The following GRM7 variants were observed in gnomAD, a reference collection of about 807,000 sequenced individuals.
GRM7 encodes metabotropic glutamate receptor 7.
GRM7 carries 35 observed loss-of-function variants against 84.5 expected under a neutral mutation model. That is an observed-to-expected ratio of 0.41 (90% CI 0.32 to 0.55). GRM7 has a LOEUF of 0.55. GRM7 is among the 20% of genes least tolerant of loss of function. GRM7 has a pLI of 0.19. For missense variants in GRM7, 1,003 were observed against 1,194.6 expected (o/e 0.84, Z 2.36); for synonymous variants, 487 against 455.1 (o/e 1.07, Z -0.89).
intron 7 of GRM7, among the ~76,000 whole-genome samples, chr3:7,473,144 CAA>C (rs953587790): frequency 6.6e-6 from 1 of 152,046 alleles, no homozygotes; most frequent in Non-Finnish European, 1.5e-5. Flanking sequence ...ATTGATAAAA[CAA>C]AGTCACATTG....
chr3:7,121,371 A>C (rs936546911), intron 1 of GRM7, among the ~76,000 whole-genome samples: 2 of 151,122 alleles, frequency 1.3e-5, no homozygotes, highest in African/African-American at 4.9e-5. Context: ...CCATCCATCC[A>C]TCCATCCATC....
chr3:7,721,068 A>T (rs1278038102), intron 9 of GRM7, among the ~76,000 whole-genome samples: 1 of 152,230 alleles, frequency 6.6e-6, no homozygotes, highest in East Asian at 1.9e-4. Context: ...TGCTCAACAG[A>T]TGCTACTACA....
At chr3:7,330,398 C>G (rs1701156905) in intron 4 of GRM7, among the ~76,000 whole-genome samples, 1 of 152,152 alleles carries the variant, frequency 6.6e-6, no homozygotes, top group African/African-American at 2.4e-5. Flanking sequence ...TAGCCCTCTT[C>G]TCTCTGTCCC....
chr3:7,363,107 G>C (rs546002268), intron 4 of GRM7, among the ~76,000 whole-genome samples: 2 of 152,052 alleles, frequency 1.3e-5, no homozygotes, highest in South Asian at 4.2e-4. Context: ...CTGGGCTATA[G>C]AGTAAGACTC....
At chr3:7,430,998 A>C (rs1193750884) in intron 5 of GRM7, among the ~76,000 whole-genome samples, 1 of 151,860 alleles carries the variant, frequency 6.6e-6, no homozygotes, top group Non-Finnish European at 1.5e-5. Flanking sequence ...CATTACCCCC[A>C]CTGGACTTGA....
intron 7 of GRM7, among the ~76,000 whole-genome samples, chr3:7,473,752 G>A (rs916148695): frequency 6.6e-6 from 1 of 152,110 alleles, no homozygotes; most frequent in African/African-American, 2.4e-5. Flanking sequence ...AGAGAGCTTG[G>A]CCCAGTTGAG....
chr3:7,295,028 A>G (rs1446181645), intron 2 of GRM7, among the ~76,000 whole-genome samples: 1 of 152,186 alleles, frequency 6.6e-6, no homozygotes, highest in Non-Finnish European at 1.5e-5. Flanking sequence ...CCAATTTATC[A>G]CGTTTTTCTT....
At chr3:7,451,744 T>C (rs769714172) in intron 5 of GRM7, 2 of 152,158 alleles carry the variant, frequency 1.3e-5, no homozygotes, top group African/African-American at 2.4e-5. Flanking sequence ...AAATCCCACA[T>C]CCACAGCTTT....
rs182045695 is a variant in GRM7, at chr3:7,045,779, G to C, written c.520-100673G>C. Among the ~76,000 whole-genome samples, 355 of 152,118 alleles carry C rather than the reference G, an allele frequency of 2.3e-3. 2 individuals are homozygous for C. Among genetic ancestry groups the C allele is most frequent in the African/African-American group, 8.3e-3 (344 of 41,496 alleles). On this transcript the variant is annotated intron_variant, in intron 1 of 9. Transcript: ENST00000357716. ...TATGTCATATTTTCATTATTCATCT[G>C]TCAGTGGACATTTAGGTTGTTTCTA...
chr3:7,255,487 A>G (rs1194524766), intron 2 of GRM7, among the ~76,000 whole-genome samples: 1 of 152,228 alleles, frequency 6.6e-6, no homozygotes, highest in African/African-American at 2.4e-5. Context: ...TTTGAATTAA[A>G]GCTGATGTGT....
At chr3:7,228,913 G>C (rs1020624633) in intron 2 of GRM7, among the ~76,000 whole-genome samples, 2 of 152,218 alleles carry the variant, frequency 1.3e-5, no homozygotes, top group African/African-American at 4.8e-5. Context: ...ATTGGGTGAA[G>C]CATTAATAGT....
chr3:7,700,720 G>A (rs1701196194), intron 9 of GRM7, among the ~76,000 whole-genome samples: 1 of 152,148 alleles, frequency 6.6e-6, no homozygotes, highest in Admixed American at 6.5e-5. Context: ...CTGCACTGAT[G>A]AAAGGCATTG....
At chr3:6,926,515 A>G (rs1366151154) in intron 1 of GRM7, among the ~76,000 whole-genome samples, 3 of 152,218 alleles carry the variant, frequency 2.0e-5, no homozygotes, top group African/African-American at 7.2e-5. Flanking sequence ...CAAGACCTGC[A>G]CAACGTTTTA....
chr3:7,175,511 C>T (rs1474600001), intron 2 of GRM7, among the ~76,000 whole-genome samples: 1 of 152,132 alleles, frequency 6.6e-6, no homozygotes, highest in Non-Finnish European at 1.5e-5. Flanking sequence ...TGATGAGTAA[C>T]AACTTGAATC....
In GRM7 at chr3:7,422,920, G is replaced by A. The variant is rs909719661; in HGVS notation, c.1174+7757G>A. On this transcript the variant is annotated intron_variant, in intron 5 of 9. Transcript: ENST00000357716. The stretch of plus-strand genomic sequence containing the variant: ...AGAATATTACCATATGACACTAACC[G>A]AAGTACAAGCAAAGTAGATGGATGG... Among the ~76,000 whole-genome samples, 7 of 152,212 alleles carry A rather than the reference G, an allele frequency of 4.6e-5. 1 individual carries two copies. The South Asian group carries it at 6.2e-4, about 14-fold the overall frequency.
intron 7 of GRM7, among the ~76,000 whole-genome samples, chr3:7,512,811 G>A (rs1327185403): frequency 6.6e-6 from 1 of 152,092 alleles, no homozygotes; most frequent in African/African-American, 2.4e-5. Flanking sequence ...AGACGTTTTT[G>A]GGGGAGTGCA....
chr3:7,656,955 A>G (rs76447577), intron 8 of GRM7, among the ~76,000 whole-genome samples: 1,962 of 151,512 alleles, frequency 0.013, 20 homozygotes, highest in Middle Eastern at 0.053. Context: ...TACTGAAAAC[A>G]TAGTATTTAC....
chr3:7,121,623 A>G (rs1471011931), intron 1 of GRM7, among the ~76,000 whole-genome samples: 1 of 152,140 alleles, frequency 6.6e-6, no homozygotes, highest in Non-Finnish European at 1.5e-5. Flanking sequence ...GGTCTAATTG[A>G]AAGATTAACT....
intron 2 of GRM7, among the ~76,000 whole-genome samples, chr3:7,191,998 C>T (rs1314216661): frequency 2.0e-5 from 3 of 151,882 alleles, no homozygotes; most frequent in Non-Finnish European, 2.9e-5. Flanking sequence ...CCAGATATAC[C>T]CAGGCCTCTT....
Sources: allele counts gnomAD v4.1 joint callset (sites outside exome capture counted in the v4.1 genomes callset), GRCh38; gene constraint gnomAD v4.1.1; transcripts MANE v1.5; gene names NCBI Gene and HGNC (gene_info 2026-07-23, HGNC 2026-07-21).